Variants in CCDC80 observed in about 807,000 individuals in gnomAD.
CCDC80 encodes the protein coiled-coil domain containing 80.
Under a neutral mutation model 78.7 loss-of-function variants are expected in CCDC80, and 49 were observed. The ratio of observed to expected loss-of-function variants is 0.62; its 90% CI spans 0.50 to 0.79. The LOEUF (loss-of-function observed/expected upper bound fraction) is 0.79, where lower values mean the gene tolerates loss of function less well. CCDC80 is among the 30% of genes least tolerant of loss of function. The pLI is 0.00. For missense variants in CCDC80, 1,205 were observed against 1,198.6 expected, an observed-to-expected ratio of 1.01 and a Z score of -0.08; for synonymous variants, 488 against 447.0, an observed-to-expected ratio of 1.09 and a Z score of -1.16.
chr3:112,621,574 T>C (rs1346920811), intron 3 of CCDC80, among the ~76,000 whole-genome samples: 1 of 152,212 alleles, frequency 6.6e-6, no homozygotes, highest in Non-Finnish European at 1.5e-5. Flanking sequence ...TACCTCACCT[T>C]ATTATGGCAA....
chr3:112,640,052 A>C, intron 1 of CCDC80, 136 bp from the exon 2 acceptor site: 1 of 1,419,070 alleles, frequency 7.0e-7, no homozygotes, highest in Middle Eastern at 2.6e-4. Flanking sequence ...GTTAGAGAGA[A>C]GGAGGGAGGT....
chr3:112,610,704 G>T (rs938834264), intron 5 of CCDC80, among the ~76,000 whole-genome samples: 1 of 111,518 alleles, frequency 9.0e-6, no homozygotes, highest in Admixed American at 8.4e-5. Flanking sequence ...ATTAATAAGC[G>T]CCAATGCTTA....
intron 3 of CCDC80, among the ~76,000 whole-genome samples, chr3:112,621,898 A>T (rs1299995976): frequency 6.6e-6 from 1 of 152,060 alleles, no homozygotes; most frequent in Admixed American, 6.5e-5. Flanking sequence ...TGCAGCTCAA[A>T]TTTTCCCTGT....
chr3:112,624,188 G>A (rs1935920438), intron 3 of CCDC80, among the ~76,000 whole-genome samples: 1 of 152,100 alleles, frequency 6.6e-6, no homozygotes, highest in South Asian at 2.1e-4. Flanking sequence ...TTGTGAACCC[G>A]CAACACAGTC....
intron 7 of CCDC80, among the ~76,000 whole-genome samples, 200 bp from the exon 8 acceptor site, chr3:112,605,963 G>A (rs1935479053): frequency 6.6e-6 from 1 of 152,172 alleles, no homozygotes; most frequent in Non-Finnish European, 1.5e-5. Context: ...CACGATTAGG[G>A]TCAAACTTTG....
At chr3:112,610,167 C>T (rs2107472453) in intron 5 of CCDC80, 86 bp from the exon 6 acceptor site, 1 of 1,121,504 alleles carries the variant, frequency 8.9e-7, no homozygotes, top group Non-Finnish European at 1.3e-6. Flanking sequence ...CTTAGGCTAG[C>T]AATTTTTTTC....
At chr3:112,626,257 G>A (rs894963927) in intron 3 of CCDC80, among the ~76,000 whole-genome samples, 11 of 152,190 alleles carry the variant, frequency 7.2e-5, no homozygotes, top group African/African-American at 2.4e-4. Flanking sequence ...GGGACACACA[G>A]CCACTGTGTG....
At chr3:112,632,183 G>A (rs1424122056) in intron 2 of CCDC80, among the ~76,000 whole-genome samples, 1 of 152,100 alleles carries the variant, frequency 6.6e-6, no homozygotes, top group Non-Finnish European at 1.5e-5. Context: ...CTTGATGGGA[G>A]CGCAGATACC....
At chr3:112,613,517 A>G (rs1935673476) in intron 5 of CCDC80, among the ~76,000 whole-genome samples, 1 of 152,204 alleles carries the variant, frequency 6.6e-6, no homozygotes, top group Non-Finnish European at 1.5e-5. Flanking sequence ...TACAAAATTT[A>G]AGTAACCAAC....
chr3:112,622,044 A>T (rs368242883), intron 3 of CCDC80, among the ~76,000 whole-genome samples: 1 of 152,132 alleles, frequency 6.6e-6, no homozygotes, highest in African/African-American at 2.4e-5. Context: ...GACTTGCTCA[A>T]GTTCACATTG....
chr3:112,627,225 A>C (rs1172709821), intron 3 of CCDC80, among the ~76,000 whole-genome samples: 1 of 152,148 alleles, frequency 6.6e-6, no homozygotes, highest in Non-Finnish European at 1.5e-5. Flanking sequence ...CTAAACATAC[A>C]CACCCAACAT....
chr3:112,637,719 G>C (rs529257352), intron 2 of CCDC80, among the ~76,000 whole-genome samples: 1 of 152,170 alleles, frequency 6.6e-6, no homozygotes, highest in South Asian at 2.1e-4. Flanking sequence ...GGTAGAAATG[G>C]GGGAAGGGTC....
At position 112,638,563 on chromosome 3, in the gene CCDC80, G is replaced by A; in HGVS notation, c.1343C>T (p.Thr448Ile). 2 of 1,614,128 alleles carry A rather than the reference G, an allele frequency of 1.2e-6. No individual in the cohort carries two copies. The highest frequency in any genetic ancestry group is 1.7e-6 in the Non-Finnish European group (2 of 1,180,038). ...SLESFTNAPP[T>I]TISEPSTRAA... ...CCTTGTGCTGGGTTCTGAGATGGTGGTGGGAGGGGCATTTGTGAAGCTCTC... is the reference window on the plus strand; with the variant it reads ...CCTTGTGCTGGGTTCTGAGATGGTGATGGGAGGGGCATTTGTGAAGCTCTC... Residue 448 changes from threonine to isoleucine, a missense_variant, in exon 2 of 8, where the codon ACC becomes ATC. By Grantham distance (89) the Thr-to-Ile change is moderately conservative. Coordinates refer to ENST00000206423, the MANE Select transcript of CCDC80 (RefSeq NM_199511.3).
intron 5 of CCDC80, among the ~76,000 whole-genome samples, chr3:112,611,444 T>C (rs931678600): frequency 2.0e-5 from 3 of 152,218 alleles, no homozygotes; most frequent in Non-Finnish European, 4.4e-5. Context: ...GTGTATCATT[T>C]TATAGCTCAC....
At position 112,639,896 on chromosome 3, in the gene CCDC80, T is replaced by TC; in HGVS notation, c.9dup (p.Arg4GlufsTer27). The TC allele has an allele frequency of 6.2e-7, 1 of 1,613,776 alleles. No individual in the cohort carries two copies. The highest frequency in any genetic ancestry group is 1.6e-4 in the Middle Eastern group (1 of 6,062). The stretch of plus-strand genomic sequence containing the variant: ...AGCATAGTGAAACGGGGTCCCATTC[T>TC]CCATGTCATTGTGTAATCCACTTTG... On this transcript the variant is annotated frameshift_variant, in exon 2 of 8. Transcript: ENST00000206423. LOFTEE classifies it high-confidence loss of function.
At chr3:112,625,897 T>A (rs1418650709) in intron 3 of CCDC80, among the ~76,000 whole-genome samples, 1 of 152,160 alleles carries the variant, frequency 6.6e-6, no homozygotes, top group African/African-American at 2.4e-5. Context: ...CAAAAATACC[T>A]TGATCTAGTC....
At position 112,602,354 on chromosome 3, in the gene CCDC80, T is replaced by C. The variant is rs542938281; in HGVS notation, c.*3063A>G. The C allele has an allele frequency of 1.3e-5, 2 of 152,166 alleles. No individual in the cohort carries two copies. Among genetic ancestry groups the C allele is most frequent in the South Asian group, 4.1e-4 (2 of 4,830 alleles). 9.4% of individuals were successfully genotyped at this position (152,166 alleles called of 1,614,324 possible). On this transcript the variant is annotated 3_prime_UTR_variant, in exon 8 of 8. Coordinates refer to ENST00000206423, the MANE Select transcript of CCDC80 (RefSeq NM_199511.3). ...ATCAATTAATAACCCTAAAATAGCC[T>C]CCAGGTATTTCAAGTGAGAGGAAGT...
chr3:112,639,794 C>A lies in CCDC80; in HGVS notation c.112G>T (p.Val38Leu), dbSNP rs1936305236. Residue 38 changes from valine to leucine, a missense_variant, in exon 2 of 8, where the codon GTG becomes TTG. Physicochemically the swap from Val to Leu is conservative, Grantham distance 32. Coordinates refer to ENST00000206423, the MANE Select transcript of CCDC80 (RefSeq NM_199511.3). ...CTGCTGTCCGGAGAAACCAAAGGCACTTTCCGTCCTCCGTGGCTGCCTCTA... is the reference window on the plus strand; with the variant it reads ...CTGCTGTCCGGAGAAACCAAAGGCAATTTCCGTCCTCCGTGGCTGCCTCTA... ...TIRGSHGGRKVPLVSPDSSRP... is the reference protein window; with the variant it reads ...TIRGSHGGRKLPLVSPDSSRP... 6.2e-7 allele frequency: 1 copy of A among 1,614,222 alleles called. No individual in the cohort carries two copies. The highest frequency in any genetic ancestry group is 2.2e-5 in the East Asian group (1 of 44,890).
At chr3:112,618,454 G>T (rs895795931) in intron 4 of CCDC80, among the ~76,000 whole-genome samples, 3 of 152,058 alleles carry the variant, frequency 2.0e-5, no homozygotes, top group South Asian at 4.1e-4. Flanking sequence ...GTGAACCTGG[G>T]GGGTGGAGCT....
Sources: allele counts gnomAD v4.1 joint callset (sites outside exome capture counted in the v4.1 genomes callset), GRCh38; gene constraint gnomAD v4.1.1; transcripts MANE v1.5; gene names NCBI Gene and HGNC (gene_info 2026-07-23, HGNC 2026-07-21).